The following IPO7 variants were observed in gnomAD, a reference collection of about 807,000 sequenced individuals.
The protein encoded by IPO7 is importin-7.
IPO7 carries 13 observed loss-of-function variants against 136.4 expected under a neutral mutation model. The observed-to-expected ratio is 0.10, with a 90% confidence interval of 0.06 to 0.15. The LOEUF is 0.15. Ranked by LOEUF, IPO7 falls within the 10% of genes least tolerant of loss-of-function variation. The probability of loss-of-function intolerance (pLI) is 1.00; values close to 1 mark genes in which losing one functional copy is unlikely to be tolerated. For synonymous variants in IPO7, 403 were observed against 404.4 expected (o/e 1.00, Z 0.04); for missense variants, 857 against 1,240.6 (o/e 0.69, Z 4.65).
At position 9,428,580 on chromosome 11, in the gene IPO7, A is replaced by G; in HGVS notation, c.1376A>G (p.Asn459Ser). 2 of 1,577,296 alleles carry G rather than the reference A, an allele frequency of 1.3e-6. No individual in the cohort carries two copies. The change falls in exon 13 of 25, where the codon AAT (asparagine) becomes AGT (serine). Residue 459 changes from asparagine to serine, a missense_variant. By Grantham distance (46) the Asn-to-Ser change is conservative (BLOSUM62 1). This residue lies in a region of IPO7 where 127 missense variants were observed against 222.4 expected (regional missense o/e 0.57). Coordinates refer to ENST00000379719, the MANE Select transcript of IPO7 (RefSeq NM_006391.3). ...GATCAGATGGAATACATGTTGCAGAATCATGTATTCCCTCTCTTCAGCAGT... is the reference window on the plus strand; with the variant it reads ...GATCAGATGGAATACATGTTGCAGAGTCATGTATTCCCTCTCTTCAGCAGT... ...YKDQMEYMLQ[N>S]HVFPLFSSEL...
intron 12 of IPO7, among the ~76,000 whole-genome samples, chr11:9,425,718 A>G (rs1018903000): frequency 6.6e-6 from 1 of 152,094 alleles, no homozygotes; most frequent in Non-Finnish European, 1.5e-5. Flanking sequence ...TACTAAAAAT[A>G]AAAATAAAAA....
At chr11:9,388,393 TCTCCAACTCCTGAC>T (rs1474290881) in intron 1 of IPO7, among the ~76,000 whole-genome samples, 1 of 151,826 alleles carries the variant, frequency 6.6e-6, no homozygotes, top group Non-Finnish European at 1.5e-5. Flanking sequence ...GCCAGGCTGG[TCTCCAACTCCTGAC>T]CTTGTGATCC....
At chr11:9,425,386 T>C (rs576237576) in intron 12 of IPO7, 124 bp downstream of exon 12, 74 of 663,428 alleles carry the variant, frequency 1.1e-4, no homozygotes, top group Admixed American at 1.0e-3. Flanking sequence ...GCAGGCAGAT[T>C]GCCTGAGCCC....
intron 4 of IPO7, among the ~76,000 whole-genome samples, chr11:9,413,638 A>G (rs573820729): frequency 6.6e-6 from 1 of 152,082 alleles, no homozygotes; most frequent in South Asian, 2.1e-4. Flanking sequence ...TTCCTGAACT[A>G]TCAAAGTGAG....
intron 8 of IPO7, among the ~76,000 whole-genome samples, chr11:9,422,161 C>T (rs1010365730): frequency 1.3e-5 from 2 of 152,092 alleles, no homozygotes; most frequent in Admixed American, 1.3e-4. Context: ...TGTCTGTAAT[C>T]CCAGCTACTC....
At chr11:9,425,978 G>A (rs866349300) in intron 12 of IPO7, among the ~76,000 whole-genome samples, 3 of 151,970 alleles carry the variant, frequency 2.0e-5, no homozygotes, top group African/African-American at 4.8e-5. Flanking sequence ...CTTGGGAGGC[G>A]GAGGCTGCAG....
intron 6 of IPO7, among the ~76,000 whole-genome samples, chr11:9,419,065 C>T (rs553760099): frequency 1.8e-4 from 28 of 152,210 alleles, no homozygotes; most frequent in Non-Finnish European, 3.2e-4. Context: ...AACATTCTTA[C>T]GTGTCTTTTT....
chr11:9,426,695 A>G (rs961379240), intron 12 of IPO7, among the ~76,000 whole-genome samples: 1 of 152,126 alleles, frequency 6.6e-6, no homozygotes, highest in Non-Finnish European at 1.5e-5. Context: ...ATCCGTTTGT[A>G]TATTTTCTTT....
At chr11:9,393,347 G>C (rs1481858499) in intron 1 of IPO7, among the ~76,000 whole-genome samples, 1 of 152,114 alleles carries the variant, frequency 6.6e-6, no homozygotes, top group Non-Finnish European at 1.5e-5. Flanking sequence ...ATAATTTTAA[G>C]AAGGTTGCTT....
intron 1 of IPO7, among the ~76,000 whole-genome samples, chr11:9,388,363 G>T (rs983018222): frequency 1.3e-5 from 2 of 151,774 alleles, no homozygotes; most frequent in Non-Finnish European, 2.9e-5. Flanking sequence ...TTTTAGCAGA[G>T]ATGGGGTTTT....
intron 2 of IPO7, among the ~76,000 whole-genome samples, chr11:9,404,494 T>C (rs976288571): frequency 1.3e-5 from 2 of 151,708 alleles, no homozygotes; most frequent in African/African-American, 4.8e-5. Flanking sequence ...AAAAAAAAAT[T>C]GTTTTCTCAC....
At chr11:9,425,288 C>A in intron 12 of IPO7, 26 bp downstream of exon 12, 1 of 1,250,104 alleles carries the variant, frequency 8.0e-7, no homozygotes, top group Non-Finnish European at 1.2e-6. Context: ...TTTGTATGTG[C>A]ATGACTATGC....
At chr11:9,442,294 AGAT>A in intron 24 of IPO7, 97 bp downstream of exon 24, 1 of 559,878 alleles carries the variant, frequency 1.8e-6, no homozygotes. Flanking sequence ...TTATCATTTA[AGAT>A]GATATAAAAG....
chr11:9,426,679 C>T (rs1278330195), intron 12 of IPO7, among the ~76,000 whole-genome samples: 2 of 152,098 alleles, frequency 1.3e-5, no homozygotes, highest in Non-Finnish European at 2.9e-5. Context: ...TTTTCATGTG[C>T]TTACTATCCG....
intron 6 of IPO7, 113 bp downstream of exon 6, chr11:9,417,261 TG>T (rs1855054316): frequency 5.9e-6 from 3 of 510,046 alleles, no homozygotes; most frequent in Non-Finnish European, 1.0e-5. Flanking sequence ...AATATGGTGA[TG>T]TATTTTTTTC....
At chr11:9,386,340 C>T (rs548987162) in intron 1 of IPO7, among the ~76,000 whole-genome samples, 2 of 152,168 alleles carry the variant, frequency 1.3e-5, no homozygotes, top group Non-Finnish European at 2.9e-5. Flanking sequence ...TGAGTTGAAC[C>T]GTATTACCAT....
intron 16 of IPO7, among the ~76,000 whole-genome samples, chr11:9,432,676 A>G (rs889787980): frequency 6.6e-6 from 1 of 152,154 alleles, no homozygotes. Flanking sequence ...ATTAGTGGAT[A>G]TTATTTTACC....
chr11:9,431,520 G>A (rs936113732), intron 16 of IPO7, among the ~76,000 whole-genome samples: 2 of 151,616 alleles, frequency 1.3e-5, no homozygotes, highest in Admixed American at 6.6e-5. Flanking sequence ...GATTGCAATG[G>A]TCACTGCACC....
chr11:9,388,123 A>G (rs1444421449), intron 1 of IPO7, among the ~76,000 whole-genome samples: 2 of 151,880 alleles, frequency 1.3e-5, no homozygotes, highest in African/African-American at 4.8e-5. Flanking sequence ...CTCCAGCCTG[A>G]GCAACAAGAG....
Sources: gnomAD v4.1 joint callset for allele counts (sites outside exome capture counted in the v4.1 genomes callset) on GRCh38, gnomAD v4.1.1 for gene constraint, gnomAD v4.1.1 regional missense constraint, MANE v1.5 for transcripts, NCBI Gene and HGNC (gene_info 2026-07-23, HGNC 2026-07-21) for gene names.